The following NSD1 variants were observed in gnomAD, a reference collection of about 807,000 sequenced individuals.
NSD1 encodes histone-lysine N-methyltransferase, H3 lysine-36 specific.
NSD1 carries 26 observed loss-of-function variants against 242.7 expected under a neutral mutation model. That is an observed-to-expected ratio of 0.11 (90% CI 0.08 to 0.15). NSD1 has a LOEUF of 0.15. NSD1 is among the 10% of genes least tolerant of loss of function. NSD1 has a pLI of 1.00. For missense variants in NSD1, 2,495 were observed against 3,272.8 expected, an observed-to-expected ratio of 0.76 and a Z score of 5.80; for synonymous variants, 1,106 against 1,178.1, an observed-to-expected ratio of 0.94 and a Z score of 1.25.
intron 11 of NSD1, among the ~76,000 whole-genome samples, chr5:177,248,530 G>A (rs10056245): frequency 1.3e-5 from 2 of 151,938 alleles, no homozygotes; most frequent in African/African-American, 2.4e-5. Context: ...GGTGAACCAC[G>A]TGCCCTTAAG....
At chr5:177,218,591 G>A (rs1349456647) in intron 5 of NSD1, among the ~76,000 whole-genome samples, 4 of 147,820 alleles carry the variant, frequency 2.7e-5, no homozygotes, top group Admixed American at 6.8e-5. Flanking sequence ...TTTTTGAGAC[G>A]GAGTCTCGCT....
At chr5:177,165,033 A>G (rs1759075060) in intron 2 of NSD1, among the ~76,000 whole-genome samples, 1 of 151,884 alleles carries the variant, frequency 6.6e-6, no homozygotes, top group Non-Finnish European at 1.5e-5. Context: ...TTGGGAGACC[A>G]AGGCAGGAGG....
intron 14 of NSD1, among the ~76,000 whole-genome samples, chr5:177,261,220 A>G (rs1016296146): frequency 6.7e-6 from 1 of 148,204 alleles, no homozygotes; most frequent in African/African-American, 2.5e-5. Flanking sequence ...CAGGCGTTCA[A>G]CATCATGCCC....
In NSD1 at chr5:177,145,051, C is replaced by T. The variant is rs973742529; in HGVS notation, c.927+9021C>T. Among the ~76,000 whole-genome samples, 3 of 148,344 alleles carry T rather than the reference C, an allele frequency of 2.0e-5. No individual in the cohort carries two copies. In the Admixed American group the frequency reaches 2.0e-4, roughly 10 times the overall value. On this transcript the variant is annotated intron_variant, in intron 2 of 22. Transcript: ENST00000439151. The stretch of plus-strand genomic sequence containing the variant: ...AGTAAGCTGGGATTGTGCCACTGCA[C>T]TCCAGCCTGGGTGACAGAGTGAGAC...
At chr5:177,265,799 C>G in intron 14 of NSD1, 1 of 1,407,182 alleles carries the variant, frequency 7.1e-7, no homozygotes, top group Non-Finnish European at 1.0e-6. Context: ...CCCTCCGGTC[C>G]TCTTGTGGCA....
chr5:177,266,773 A>G (rs1391575129), intron 14 of NSD1: 5 of 242,946 alleles, frequency 2.1e-5, no homozygotes, highest in Non-Finnish European at 3.2e-5. Flanking sequence ...TGTTTGAATC[A>G]TGCTCATTTC....
intron 2 of NSD1, among the ~76,000 whole-genome samples, chr5:177,159,593 A>ATT (rs61064789): frequency 0.023 from 2,750 of 118,580 alleles, 33 homozygotes; most frequent in Non-Finnish European, 0.03. Context: ...CTAAGTCTGA[A>ATT]TTTTTTTTTT....
intron 5 of NSD1, among the ~76,000 whole-genome samples, chr5:177,212,483 C>CACTT: frequency 8.3e-6 from 1 of 119,866 alleles, no homozygotes; most frequent in South Asian, 2.5e-4. Flanking sequence ...CTTTCTCTCT[C>CACTT]TCTCTTTTTT....
intron 2 of NSD1, among the ~76,000 whole-genome samples, chr5:177,144,489 A>G (rs1329377500): frequency 6.6e-6 from 1 of 151,822 alleles, no homozygotes; most frequent in Non-Finnish European, 1.5e-5. Flanking sequence ...CATTTGTTGT[A>G]TTTTTGTTTG....
At chr5:177,144,030 C>A (rs967222111) in intron 2 of NSD1, among the ~76,000 whole-genome samples, 1 of 152,044 alleles carries the variant, frequency 6.6e-6, no homozygotes, top group African/African-American at 2.4e-5. Context: ...GATCGACCCA[C>A]CTCGGCCTCC....
chr5:177,156,516 C>T (rs577283182), intron 2 of NSD1, among the ~76,000 whole-genome samples: 1 of 152,154 alleles, frequency 6.6e-6, no homozygotes, highest in Admixed American at 6.6e-5. Context: ...AAAGCATGAA[C>T]TTAAAAAATC....
At chr5:177,146,336 G>C (rs999910793) in intron 2 of NSD1, among the ~76,000 whole-genome samples, 1 of 151,000 alleles carries the variant, frequency 6.6e-6, no homozygotes, top group Admixed American at 6.6e-5. Flanking sequence ...CTCCTGAGTA[G>C]CTGGGACTAC....
intron 3 of NSD1, among the ~76,000 whole-genome samples, chr5:177,201,447 T>C (rs1174937655): frequency 2.6e-5 from 4 of 152,174 alleles, no homozygotes; most frequent in African/African-American, 9.7e-5. Flanking sequence ...TTAGTTTCCC[T>C]TTTCTTCTAG....
chr5:177,207,747 A>G (rs1446175352), intron 4 of NSD1, among the ~76,000 whole-genome samples: 1 of 147,252 alleles, frequency 6.8e-6, no homozygotes, highest in African/African-American at 2.5e-5. Context: ...CATTTATTTT[A>G]TTTTTTAAAA....
At chr5:177,213,664 G>T (rs1316099681) in intron 5 of NSD1, among the ~76,000 whole-genome samples, 1 of 152,058 alleles carries the variant, frequency 6.6e-6, no homozygotes, top group Non-Finnish European at 1.5e-5. Flanking sequence ...TAGAGACGGG[G>T]TTTCACTGTG....
At chr5:177,284,633 A>G (rs1252329237) in intron 20 of NSD1, among the ~76,000 whole-genome samples, 1 of 152,096 alleles carries the variant, frequency 6.6e-6, no homozygotes, top group Non-Finnish European at 1.5e-5. Flanking sequence ...GGATGGTTTT[A>G]ATGGAACAAA....
At chr5:177,248,482 C>G (rs1165581565) in intron 11 of NSD1, among the ~76,000 whole-genome samples, 158 bp downstream of exon 11, 1 of 151,864 alleles carries the variant, frequency 6.6e-6, no homozygotes, top group African/African-American at 2.4e-5. Context: ...TTTTTTTCTC[C>G]CCACAAAGAA....
intron 3 of NSD1, among the ~76,000 whole-genome samples, chr5:177,196,161 AAGGG>A (rs1316938875): frequency 6.6e-6 from 1 of 152,194 alleles, no homozygotes; most frequent in Non-Finnish European, 1.5e-5. Flanking sequence ...CTCACAGAGT[AAGGG>A]AGGGTGGCAC....
At chr5:177,290,775 T>C (rs562691529) in intron 21 of NSD1, among the ~76,000 whole-genome samples, 40 of 152,228 alleles carry the variant, frequency 2.6e-4, no homozygotes, top group Non-Finnish European at 4.9e-4. Context: ...CTCTATATTA[T>C]ACTGGATTTT....
Sources: allele counts gnomAD v4.1 joint callset (sites outside exome capture counted in the v4.1 genomes callset), GRCh38; gene constraint gnomAD v4.1.1; transcripts MANE v1.5; gene names NCBI Gene and HGNC (gene_info 2026-07-23, HGNC 2026-07-21).